The following PAXIP1 variants were observed in gnomAD, a reference collection of about 807,000 sequenced individuals.
The protein encoded by PAXIP1 is PAX interacting protein 1.
A neutral mutation model predicts 140.6 loss-of-function variants in PAXIP1; 19 were observed. That is an observed-to-expected ratio of 0.14 (90% confidence interval 0.09 to 0.20). The LOEUF (loss-of-function observed/expected upper bound fraction) is 0.20, where lower values mean the gene tolerates loss of function less well. Ranked by LOEUF, PAXIP1 falls within the 10% of genes least tolerant of loss-of-function variation. The pLI, the probability that PAXIP1 is intolerant of heterozygous loss-of-function variation, is 1.00. For missense variants in PAXIP1, 920 were observed against 1,208.6 expected, an observed-to-expected ratio of 0.76 and a Z score of 3.54; for synonymous variants, 442 against 444.6, an observed-to-expected ratio of 0.99 and a Z score of 0.07.
chr7:154,978,387 C>T (rs1371042703), intron 5 of PAXIP1, among the ~76,000 whole-genome samples: 1 of 152,184 alleles, frequency 6.6e-6, no homozygotes, highest in East Asian at 1.9e-4. Context: ...AACTACACTT[C>T]CCTTCCCAAA....
chr7:154,972,101 A>G (rs1336724233), intron 6 of PAXIP1, among the ~76,000 whole-genome samples: 1 of 152,244 alleles, frequency 6.6e-6, no homozygotes, highest in Non-Finnish European at 1.5e-5. Context: ...ACTGCAGTCA[A>G]TTCTTTCCAT....
rs1209826067 is a variant in PAXIP1, at chr7:154,956,794, A to G, written c.2549+430T>C. The G allele has an allele frequency of 2.6e-5, 4 of 156,546 alleles. No individual in the cohort carries two copies. Among genetic ancestry groups the G allele is most frequent in the South Asian group, 1.9e-4 (1 of 5,184 alleles). The allele number at this position is 156,546 out of a possible 1,614,324, so 9.7% of individuals were successfully genotyped here. A position where few individuals can be genotyped will look rare whatever the true frequency, so the allele number is the denominator to read the frequency against. On this transcript the variant is annotated intron_variant, in intron 14 of 20. Coordinates refer to ENST00000404141, the MANE Select transcript of PAXIP1 (RefSeq NM_007349.4). This position sits in a 1 kb window ranked among gnomAD's most constrained non-coding sequence, Gnocchi z 4.2. ...GCCTACATGCTCTCTCGGCACCTAC[A>G]TGCTCTCTCGGCACCTACATGCTCT...
At chr7:154,979,482 T>C (rs1222346841) in intron 5 of PAXIP1, among the ~76,000 whole-genome samples, 1 of 152,050 alleles carries the variant, frequency 6.6e-6, no homozygotes. Context: ...TTCACCACTA[T>C]TAGGTTTACA....
At chr7:154,983,495 T>C in intron 4 of PAXIP1, 163 bp from the exon 5 acceptor site, 1 of 548,100 alleles carries the variant, frequency 1.8e-6, no homozygotes, top group Non-Finnish European at 3.2e-6. Context: ...ATCTGCTTAT[T>C]ATAACAAAAA....
At position 154,946,340 on chromosome 7, in the gene PAXIP1, T is replaced by G; in HGVS notation, c.3194+25A>C. 1 of 1,613,814 alleles carries G rather than the reference T, an allele frequency of 6.2e-7. No homozygotes were observed. Among genetic ancestry groups the G allele is most frequent in the Non-Finnish European group, 8.5e-7 (1 of 1,179,750 alleles). On this transcript the variant is annotated intron_variant, in intron 20 of 20. Coordinates refer to ENST00000404141, the MANE Select transcript of PAXIP1 (RefSeq NM_007349.4). The surrounding 1 kb of genome is among the most constrained non-coding windows in gnomAD (Gnocchi z 4.9). The stretch of plus-strand genomic sequence containing the variant: ...CATTTCATATCTAACCCGTCTACTT[T>G]TTAATTCTCTTTTGGAAAGGATATG...
chr7:154,951,700 T>A (rs1808278889), intron 16 of PAXIP1: 1 of 152,188 alleles, frequency 6.6e-6, no homozygotes, highest in Admixed American at 6.5e-5. Flanking sequence ...AAACTTTATA[T>A]ACAGATAAAA....
At chr7:154,992,828 A>G (rs1810408765) in intron 3 of PAXIP1, among the ~76,000 whole-genome samples, 1 of 149,528 alleles carries the variant, frequency 6.7e-6, no homozygotes. Flanking sequence ...ATCCTCCAAG[A>G]AGAACTGCTT....
rs1421336505 is a variant in PAXIP1, at chr7:155,002,829, G to T, written c.81+20C>A. Reference sequence around the variant, plus strand: ...GGACGCGGACGGGGGAGGAGGCCGCGGCAGGGGCGGGCGCGGTACCTGCGG... The same window carrying T: ...GGACGCGGACGGGGGAGGAGGCCGCTGCAGGGGCGGGCGCGGTACCTGCGG... On this transcript the variant is annotated intron_variant, in intron 1 of 20. Coordinates refer to ENST00000404141, the MANE Select transcript of PAXIP1 (RefSeq NM_007349.4). 3 of 1,299,658 alleles carry T rather than the reference G, an allele frequency of 2.3e-6. No homozygotes were observed. The highest frequency in any genetic ancestry group is 3.1e-5 in the African/African-American group (2 of 64,188). 80.5% of individuals were successfully genotyped at this position (1,299,658 alleles called of 1,614,324 possible). A position where few individuals can be genotyped will look rare whatever the true frequency, so the allele number is the denominator to read the frequency against.
intron 4 of PAXIP1, 77 bp downstream of exon 4, chr7:154,990,929 A>C: frequency 1.3e-6 from 1 of 778,074 alleles, no homozygotes. Flanking sequence ...ACTGGTTAAC[A>C]GGTCATAAAT....
intron 16 of PAXIP1, chr7:154,952,328 G>C (rs907544711): frequency 1.1e-4 from 16 of 152,208 alleles, no homozygotes; most frequent in Non-Finnish European, 1.9e-4. Context: ...AAAAGATTCA[G>C]TCACCCACAT....
chr7:154,961,369 T>TA (rs1213354941), intron 11 of PAXIP1, among the ~76,000 whole-genome samples, 158 bp downstream of exon 11: 3 of 152,266 alleles, frequency 2.0e-5, no homozygotes, highest in Non-Finnish European at 4.4e-5. Flanking sequence ...TAGGTATTTC[T>TA]ACTAACATTA....
chr7:154,950,052 A>C (rs1402591172), intron 16 of PAXIP1: 1 of 152,256 alleles, frequency 6.6e-6, no homozygotes, highest in African/African-American at 2.4e-5. Flanking sequence ...CTGAACATTA[A>C]ACTTTTCATG....
Position 154,963,737 on chromosome 7 carries a change from G to T in PAXIP1, c.1923C>A (p.Asp641Glu), listed in dbSNP as rs1310297300. 1.1e-5 allele frequency: 17 copies of T among 1,613,426 alleles called. No homozygotes were observed. The highest frequency in any genetic ancestry group is 1.4e-5 in the Non-Finnish European group (16 of 1,179,730). The stretch of plus-strand genomic sequence containing the variant: ...GCGTGCATCGACTCGTGAAGGTGGG[G>T]TCAACAGTGCCGCCATGTGCCTGGA... ...RIIQAHGGTV[D>E]PTFTSRCTHL... The change falls in exon 9 of 21, where the codon GAC becomes GAA. Residue 641 changes from aspartate to glutamate, a missense_variant. Asp to Glu is a conservative substitution (Grantham distance 45, BLOSUM62 2). This residue lies in a region of PAXIP1 where 62 missense variants were observed against 69.0 expected (regional missense o/e 0.90). Transcript: ENST00000404141. This position sits in a 1 kb window ranked among gnomAD's most constrained non-coding sequence, Gnocchi z 4.1.
At chr7:154,967,681 A>C in intron 8 of PAXIP1, 135 bp downstream of exon 8, 1 of 621,754 alleles carries the variant, frequency 1.6e-6, no homozygotes, top group South Asian at 2.0e-5. Flanking sequence ...ACAGAATGTT[A>C]ATCAAAATGC....
intron 4 of PAXIP1, among the ~76,000 whole-genome samples, chr7:154,989,156 G>A (rs1202703803): frequency 6.6e-6 from 1 of 152,176 alleles, no homozygotes; most frequent in African/African-American, 2.4e-5. Flanking sequence ...CAGGATTTTA[G>A]AGAACTTCCA....
Position 154,943,918 on chromosome 7 carries a change from G to C in PAXIP1, c.*231C>G, listed in dbSNP as rs956896564. The stretch of plus-strand genomic sequence containing the variant: ...CAAATGAATCATAAAACCTAATGTG[G>C]GCTCTTAAAGTCATATAATACAAAA... On this transcript the variant is annotated 3_prime_UTR_variant, in exon 21 of 21. Transcript: ENST00000404141. 4.1e-6 allele frequency: 2 copies of C among 489,418 alleles called. No homozygotes were observed. Among genetic ancestry groups the C allele is most frequent in the African/African-American group, 3.9e-5 (2 of 50,920 alleles). The allele number at this position is 489,418 out of a possible 1,614,324, so 30.3% of individuals were successfully genotyped here.
intron 2 of PAXIP1, 69 bp downstream of exon 2, chr7:154,998,581 T>C (rs1810748507): frequency 2.6e-6 from 3 of 1,149,442 alleles, no homozygotes; most frequent in African/African-American, 1.5e-5. Context: ...AGAGCTATAG[T>C]GAAACTTCAA....
intron 3 of PAXIP1, among the ~76,000 whole-genome samples, chr7:154,991,595 CCTT>C (rs1810333760): frequency 6.6e-6 from 1 of 152,172 alleles, no homozygotes; most frequent in Admixed American, 6.5e-5. Context: ...TTCAATTTCC[CCTT>C]TTTTAAAACA....
intron 2 of PAXIP1, among the ~76,000 whole-genome samples, chr7:154,997,462 T>TA (rs1204805422): frequency 3.3e-5 from 5 of 152,168 alleles, no homozygotes; most frequent in Non-Finnish European, 7.3e-5. Context: ...TAAACCACAG[T>TA]AACTTTCATA....
Sources: allele counts gnomAD v4.1 joint callset (sites outside exome capture counted in the v4.1 genomes callset), GRCh38; gene constraint gnomAD v4.1.1; regional missense constraint gnomAD v4.1.1; non-coding constraint Gnocchi (gnomAD v3.1); transcripts MANE v1.5; gene names NCBI Gene and HGNC (gene_info 2026-07-23, HGNC 2026-07-21).